The following DLC1 variants were observed in gnomAD, a reference collection of about 807,000 sequenced individuals.
DLC1 encodes rho GTPase-activating protein 7.
Under a neutral mutation model 140.3 loss-of-function variants are expected in DLC1, and 54 were observed. The observed-to-expected ratio is 0.38, with a 90% CI of 0.31 to 0.48. DLC1 has a LOEUF of 0.48. DLC1 is among the 20% of genes least tolerant of loss of function. DLC1 has a pLI of 0.96. For missense variants in DLC1, 2,536 were observed against 1,907.0 expected, an observed-to-expected ratio of 1.33 and a Z score of -6.14; for synonymous variants, 986 against 728.1, an observed-to-expected ratio of 1.35 and a Z score of -5.70.
At chr8:13,378,630 A>G (rs1443739922) in intron 4 of DLC1, among the ~76,000 whole-genome samples, 1 of 152,182 alleles carries the variant, frequency 6.6e-6, no homozygotes, top group Non-Finnish European at 1.5e-5. Flanking sequence ...TCTTAAAACT[A>G]TTTTAAATTC....
chr8:13,291,098 A>G (rs1831740152), intron 5 of DLC1, among the ~76,000 whole-genome samples: 1 of 152,088 alleles, frequency 6.6e-6, no homozygotes, highest in Non-Finnish European at 1.5e-5. Flanking sequence ...TAGTAGAGAC[A>G]GGGTTTCACC....
At chr8:13,522,988 G>A (rs1230825084) in intron 1 of DLC1, among the ~76,000 whole-genome samples, 1 of 152,060 alleles carries the variant, frequency 6.6e-6, no homozygotes, top group Non-Finnish European at 1.5e-5. Context: ...AAAATGGAAG[G>A]AGAGAGAGAG....
At chr8:13,269,724 A>C (rs1830842981) in intron 5 of DLC1, among the ~76,000 whole-genome samples, 1 of 142,884 alleles carries the variant, frequency 7.0e-6, no homozygotes, top group Admixed American at 7.0e-5. Flanking sequence ...AAAAAAAAAA[A>C]AGACACATTA....
At chr8:13,349,520 C>G (rs965247267) in intron 4 of DLC1, among the ~76,000 whole-genome samples, 1 of 152,202 alleles carries the variant, frequency 6.6e-6, no homozygotes, top group East Asian at 1.9e-4. Flanking sequence ...TCAAACAGAG[C>G]TGGGTCTCAA....
intron 5 of DLC1, chr8:13,276,752 TC>T: frequency 7.0e-6 from 2 of 287,250 alleles, no homozygotes; most frequent in South Asian, 1.4e-4. Flanking sequence ...TCAGGGGCAG[TC>T]CAGGTGACCT....
chr8:13,274,924 A>G (rs1831099316), intron 5 of DLC1, among the ~76,000 whole-genome samples: 1 of 152,194 alleles, frequency 6.6e-6, no homozygotes, highest in African/African-American at 2.4e-5. Context: ...TTACTCCCAA[A>G]TCTTACATCT....
intron 2 of DLC1, among the ~76,000 whole-genome samples, chr8:13,446,558 AAAG>A (rs145354094): frequency 0.031 from 4,698 of 152,164 alleles, 247 homozygotes; most frequent in African/African-American, 0.11. Context: ...AGAAAAGAAA[AAAG>A]AAGGAAAGGA....
At chr8:13,185,583 A>C (rs1826324307) in intron 5 of DLC1, among the ~76,000 whole-genome samples, 1 of 152,032 alleles carries the variant, frequency 6.6e-6, no homozygotes, top group Non-Finnish European at 1.5e-5. Context: ...CTGGGGTTAC[A>C]GGTGTGAGCC....
intron 2 of DLC1, among the ~76,000 whole-genome samples, chr8:13,407,225 A>T (rs1837608899): frequency 6.6e-6 from 1 of 152,190 alleles, no homozygotes; most frequent in Non-Finnish European, 1.5e-5. Context: ...TGGGCAGTGA[A>T]GCCTCTTTGA....
At chr8:13,238,412 G>T (rs1416366400) in intron 5 of DLC1, among the ~76,000 whole-genome samples, 1 of 151,948 alleles carries the variant, frequency 6.6e-6, no homozygotes, top group African/African-American at 2.4e-5. Context: ...ACAGGGGGAG[G>T]TGAGGCAGGA....
In DLC1 at chr8:13,453,559, T is replaced by A. The variant is rs1454791689; in HGVS notation, c.1023+45490A>T. Among the ~76,000 whole-genome samples the A allele has an allele frequency of 3.5e-3, 152 of 43,912 alleles. 21 individuals are homozygous for A. The highest frequency in any genetic ancestry group is 6.3e-3 in the African/African-American group (70 of 11,196). 28.8% of individuals were successfully genotyped at this position (43,912 alleles called of 152,430 possible). A position where few individuals can be genotyped will look rare whatever the true frequency, so the allele number is the denominator to read the frequency against. Reference sequence around the variant, plus strand: ...ATATACATATATATATATATATATTTTTTTTTTTTTTTTTTCAGATAGAAA... The same window carrying A: ...ATATACATATATATATATATATATTATTTTTTTTTTTTTTTCAGATAGAAA... On this transcript the variant is annotated intron_variant, in intron 2 of 17. Coordinates refer to ENST00000276297, the MANE Select transcript of DLC1 (RefSeq NM_182643.3).
chr8:13,591,380 T>G (rs1805509513), intron 1 of DLC1, among the ~76,000 whole-genome samples: 1 of 152,022 alleles, frequency 6.6e-6, no homozygotes. Context: ...AGTGAGTGAG[T>G]TATCACGAGA....
chr8:13,125,513 GC>G (rs1370067209), intron 5 of DLC1, among the ~76,000 whole-genome samples: 4 of 152,156 alleles, frequency 2.6e-5, no homozygotes, highest in Admixed American at 2.6e-4. Context: ...TGACTTGGGC[GC>G]TGAAATACCT....
chr8:13,503,772 T>C (rs959487165), intron 1 of DLC1, among the ~76,000 whole-genome samples: 2 of 152,208 alleles, frequency 1.3e-5, no homozygotes, highest in African/African-American at 4.8e-5. Context: ...CTGAATTGTA[T>C]AGTCTACCTT....
chr8:13,575,946 T>G (rs544111093), intron 1 of DLC1, among the ~76,000 whole-genome samples: 4 of 152,326 alleles, frequency 2.6e-5, no homozygotes, highest in African/African-American at 9.6e-5. Context: ...CCACAGTTAT[T>G]TTCCTCAAAG....
At chr8:13,459,637 C>T (rs1799569642) in intron 2 of DLC1, among the ~76,000 whole-genome samples, 2 of 152,130 alleles carry the variant, frequency 1.3e-5, no homozygotes, top group Admixed American at 1.3e-4. Context: ...TCTGCCACTC[C>T]AGCATGGTCT....
At chr8:13,317,864 A>G (rs902495645) in intron 4 of DLC1, among the ~76,000 whole-genome samples, 3 of 152,162 alleles carry the variant, frequency 2.0e-5, no homozygotes, top group Non-Finnish European at 4.4e-5. Context: ...AGTGGCCAGT[A>G]TTTTGTGAAT....
chr8:13,094,346 T>A (rs1033451981), intron 12 of DLC1, among the ~76,000 whole-genome samples: 1 of 152,090 alleles, frequency 6.6e-6, no homozygotes, highest in Non-Finnish European at 1.5e-5. Context: ...TTCCAAGAGG[T>A]CACCATGCAG....
chr8:13,560,920 C>T (rs1353839471), intron 1 of DLC1, among the ~76,000 whole-genome samples: 4 of 151,880 alleles, frequency 2.6e-5, no homozygotes, highest in Non-Finnish European at 5.9e-5. Context: ...CCTACTGATG[C>T]CTTGATTTCA....
Sources: gnomAD v4.1 joint callset for allele counts (sites outside exome capture counted in the v4.1 genomes callset) on GRCh38, gnomAD v4.1.1 for gene constraint, MANE v1.5 for transcripts, NCBI Gene and HGNC (gene_info 2026-07-23, HGNC 2026-07-21) for gene names.